The following MTPN variants were observed in gnomAD, a reference collection of about 807,000 sequenced individuals.
MTPN encodes granule cell differentiation protein.
A neutral mutation model predicts 13.5 loss-of-function variants in MTPN; 2 were observed. The ratio of observed to expected loss-of-function variants is 0.15; its 90% CI spans 0.06 to 0.47. MTPN has a LOEUF of 0.47. Ranked by LOEUF, MTPN falls within the 20% of genes least tolerant of loss-of-function variation. MTPN has a pLI of 0.97. For synonymous variants in MTPN, 46 were observed against 51.7 expected (o/e 0.89, Z 0.48); for missense variants, 79 against 137.9 (o/e 0.57, Z 2.14).
chr7:135,977,163 G>A lies in MTPN; in HGVS notation c.-63C>T, dbSNP rs1453124556. 25 of 1,546,172 alleles carry A rather than the reference G, an allele frequency of 1.6e-5. No individual in the cohort carries two copies. Among genetic ancestry groups the A allele is most frequent in the Non-Finnish European group, 1.9e-5 (21 of 1,120,540 alleles). ...TGAGGAGGCGGTGGCAGCAGCAAGCGGATGCCGCCGGGCGAGAGGGAGGCA... is the reference window on the plus strand; with the variant it reads ...TGAGGAGGCGGTGGCAGCAGCAAGCAGATGCCGCCGGGCGAGAGGGAGGCA... On this transcript the variant is annotated 5_prime_UTR_variant, in exon 1 of 4. Transcript: ENST00000393085.
intron 3 of MTPN, among the ~76,000 whole-genome samples, chr7:135,937,210 C>T (rs75502448): frequency 0.054 from 8,252 of 152,102 alleles, 283 homozygotes; most frequent in East Asian, 0.094. Flanking sequence ...TGACAAGAGG[C>T]TTTTGTCAAG....
intron 1 of MTPN, among the ~76,000 whole-genome samples, chr7:135,969,074 G>A (rs1361545356): frequency 2.1e-5 from 2 of 94,750 alleles, no homozygotes; most frequent in Non-Finnish European, 2.2e-5. Context: ...CACACTCTGG[G>A]GACTGTTGTG....
At chr7:135,967,086 A>C (rs895419664) in intron 1 of MTPN, among the ~76,000 whole-genome samples, 3 of 152,098 alleles carry the variant, frequency 2.0e-5, no homozygotes, top group Admixed American at 2.0e-4. Flanking sequence ...GTTTTTTCTT[A>C]ACCAGTCATT....
At position 135,929,906 on chromosome 7, in the gene MTPN, G is replaced by C. The variant is rs1400963794; in HGVS notation, c.*20C>G. ...GCCACAGGAGAGTCATTCTTCCGGA[G>C]TTATCAGTCCATCCATCCATCACTG... On this transcript the variant is annotated 3_prime_UTR_variant, in exon 4 of 4. Transcript: ENST00000393085. The C allele has an allele frequency of 6.2e-7, 1 of 1,611,858 alleles. No homozygotes were observed. The highest frequency in any genetic ancestry group is 8.5e-7 in the Non-Finnish European group (1 of 1,178,000).
chr7:135,975,682 T>A (rs1210998359), intron 1 of MTPN, among the ~76,000 whole-genome samples: 1 of 152,222 alleles, frequency 6.6e-6, no homozygotes, highest in African/African-American at 2.4e-5. Context: ...GTCCCACCAC[T>A]GGTAAGTGTA....
chr7:135,957,234 A>C (rs1169749064), intron 1 of MTPN, among the ~76,000 whole-genome samples: 2 of 152,210 alleles, frequency 1.3e-5, no homozygotes, highest in African/African-American at 2.4e-5. Context: ...ACTTCATAGT[A>C]TATTCTGGTG....
In MTPN at chr7:135,976,913, C is replaced by T. The variant is rs968529081; in HGVS notation, c.72+116G>A. On this transcript the variant is annotated intron_variant, in intron 1 of 3. Transcript: ENST00000393085. ...CTCTCTCCTTGGTGCCGCCTCCACC[C>T]AGGAAGTCTCTCCTCCCGCCCACCC... is the stretch of plus-strand genomic sequence containing the variant. 8.3e-6 allele frequency: 8 copies of T among 960,494 alleles called. No individual in the cohort carries two copies. The African/African-American group carries it at 1.3e-4, about 15-fold the overall frequency. 59.5% of individuals were successfully genotyped at this position (960,494 alleles called of 1,614,324 possible). A position where few individuals can be genotyped will look rare whatever the true frequency, so the allele number is the denominator to read the frequency against.
At chr7:135,942,135 C>T (rs555083062) in intron 3 of MTPN, among the ~76,000 whole-genome samples, 5 of 152,074 alleles carry the variant, frequency 3.3e-5, no homozygotes, top group South Asian at 4.1e-4. Context: ...GTGATCCGCC[C>T]GCCTCGGCCT....
rs959276926 is a variant in MTPN at position 135,929,049 on chromosome 7, G to C, written c.*877C>G. 7.2e-5 allele frequency: 12 copies of C among 167,074 alleles called. No individual in the cohort carries two copies. The highest frequency in any genetic ancestry group is 2.1e-4 in the South Asian group (1 of 4,816). 10.3% of individuals were successfully genotyped at this position (167,074 alleles called of 1,614,324 possible). A position where few individuals can be genotyped will look rare whatever the true frequency, so the allele number is the denominator to read the frequency against. On this transcript the variant is annotated 3_prime_UTR_variant, in exon 4 of 4. Transcript: ENST00000393085. Reference sequence around the variant, plus strand: ...AACAGCAAATAAAGAAAATCCATAGGTACTAAGATAACTGTTCTCTCTTCA... The same window carrying C: ...AACAGCAAATAAAGAAAATCCATAGCTACTAAGATAACTGTTCTCTCTTCA...
At chr7:135,965,812 T>C (rs1799595987) in intron 1 of MTPN, among the ~76,000 whole-genome samples, 4 of 152,108 alleles carry the variant, frequency 2.6e-5, no homozygotes, top group Admixed American at 2.6e-4. Flanking sequence ...AAGAACATCA[T>C]TTACACTAAG....
chr7:135,967,681 C>T (rs559224759), intron 1 of MTPN, among the ~76,000 whole-genome samples: 2 of 152,276 alleles, frequency 1.3e-5, no homozygotes, highest in East Asian at 3.9e-4. Context: ...TATTTACTAG[C>T]ACTCACCATA....
intron 1 of MTPN, among the ~76,000 whole-genome samples, chr7:135,957,208 C>T (rs113205946): frequency 6.6e-6 from 1 of 151,984 alleles, no homozygotes; most frequent in African/African-American, 2.4e-5. Context: ...ACATAACATA[C>T]ATATGAAACA....
intron 3 of MTPN, among the ~76,000 whole-genome samples, chr7:135,948,941 G>A (rs1799324062): frequency 6.6e-6 from 1 of 152,148 alleles, no homozygotes; most frequent in Non-Finnish European, 1.5e-5. Flanking sequence ...GAAAAGGCGG[G>A]AACGAAGGGT....
chr7:135,948,906 T>C (rs1244561328), intron 3 of MTPN, among the ~76,000 whole-genome samples: 1 of 151,972 alleles, frequency 6.6e-6, no homozygotes, highest in Non-Finnish European at 1.5e-5. Context: ...AACAAAACCC[T>C]TGGCTGGGTA....
At chr7:135,976,315 T>A (rs1245071189) in intron 1 of MTPN, among the ~76,000 whole-genome samples, 1 of 152,228 alleles carries the variant, frequency 6.6e-6, no homozygotes, top group African/African-American at 2.4e-5. Context: ...TGTAAGCATT[T>A]CAGGTGAAAT....
chr7:135,969,353 T>C (rs1022381847), intron 1 of MTPN, among the ~76,000 whole-genome samples: 1 of 151,776 alleles, frequency 6.6e-6, no homozygotes, highest in Non-Finnish European at 1.5e-5. Flanking sequence ...TATTGAACAT[T>C]TCACCTTAGA....
At chr7:135,937,181 AG>A (rs757598350) in intron 3 of MTPN, among the ~76,000 whole-genome samples, 5 of 152,158 alleles carry the variant, frequency 3.3e-5, no homozygotes, top group Non-Finnish European at 7.3e-5. Flanking sequence ...AACTCCTCAG[AG>A]GTTATCTGAC....
At chr7:135,939,665 C>T (rs1191852769) in intron 3 of MTPN, among the ~76,000 whole-genome samples, 2 of 149,302 alleles carry the variant, frequency 1.3e-5, no homozygotes, top group South Asian at 2.1e-4. Flanking sequence ...CCTTGGACTG[C>T]ACATCTTCAG....
intron 3 of MTPN, among the ~76,000 whole-genome samples, chr7:135,933,082 A>G (rs1395860918): frequency 2.8e-5 from 4 of 144,464 alleles, no homozygotes; most frequent in South Asian, 2.3e-4. Flanking sequence ...GCAACTGAGC[A>G]AGACTCACTC....
Sources: allele counts gnomAD v4.1 joint callset (sites outside exome capture counted in the v4.1 genomes callset), GRCh38; gene constraint gnomAD v4.1.1; transcripts MANE v1.5; gene names NCBI Gene and HGNC (gene_info 2026-07-23, HGNC 2026-07-21).